The following RYR1 variants were observed in gnomAD, a reference collection of about 807,000 sequenced individuals.
RYR1 encodes the protein ryanodine receptor 1.
A neutral mutation model predicts 583.5 loss-of-function variants in RYR1; 342 were observed. That is an observed-to-expected ratio of 0.59 (90% confidence interval 0.54 to 0.64). The LOEUF is 0.64. Ranked by LOEUF, RYR1 falls within the 30% of genes least tolerant of loss-of-function variation. RYR1 has a pLI of 0.00. For missense variants in RYR1, 6,032 were observed against 6,917.2 expected (o/e 0.87, Z 4.54); for synonymous variants, 2,791 against 2,822.5 (o/e 0.99, Z 0.35).
At chr19:38,511,750 CG>C in intron 61 of RYR1, 140 bp downstream of exon 61, 11 of 1,079,654 alleles carry the variant, frequency 1.0e-5, no homozygotes, top group Admixed American at 1.8e-5. Context: ...ACCAGGTATC[CG>C]GGGGGTAGGG....
At chr19:38,493,133 G>T (rs531882546) in intron 38 of RYR1, among the ~76,000 whole-genome samples, 1 of 152,040 alleles carries the variant, frequency 6.6e-6, no homozygotes, top group Non-Finnish European at 1.5e-5. Flanking sequence ...GCTGTAGAAC[G>T]TGTGTGTTGG....
rs760940805 is a variant in RYR1 at position 38,572,137 on chromosome 19, G to A, written c.13865G>A (p.Gly4622Asp). 7.4e-6 allele frequency: 12 copies of A among 1,613,764 alleles called. 1 individual carries two copies. The highest frequency in any genetic ancestry group is 3.3e-5 in the South Asian group (3 of 91,082). The change falls in exon 95 of 106, where the codon GGC becomes GAC. Residue 4622 changes from glycine to aspartate, a missense_variant. By Grantham distance (94) the Gly-to-Asp change is moderately conservative. Around this residue, in one of 11 missense-constraint regions of RYR1, gnomAD observed 188 missense variants for 215.6 expected, o/e 0.87. Coordinates refer to ENST00000359596, the MANE Select transcript of RYR1 (RefSeq NM_000540.3). ...WGLGAGEEAE[G>D]DEDENMVYYF... is the part of the protein sequence containing the mutation. ...TTGGGGGCCGGAGAGGAGGCAGAGGGCGATGAGGATGAGAACATGGTGTAC... is the reference window on the plus strand; with the variant it reads ...TTGGGGGCCGGAGAGGAGGCAGAGGACGATGAGGATGAGAACATGGTGTAC...
chr19:38,566,270 G>A (rs1240294902), intron 91 of RYR1, among the ~76,000 whole-genome samples: 1 of 151,574 alleles, frequency 6.6e-6, no homozygotes, highest in East Asian at 1.9e-4. Flanking sequence ...CCACCGTGGT[G>A]GAACCCCGTC....
At chr19:38,453,457 G>A (rs1967199824) in intron 13 of RYR1, among the ~76,000 whole-genome samples, 1 of 151,910 alleles carries the variant, frequency 6.6e-6, no homozygotes, top group Non-Finnish European at 1.5e-5. Flanking sequence ...GACAGAATCA[G>A]TGTGGGGTAT....
At chr19:38,528,248 G>C (rs1971565824) in intron 73 of RYR1, 58 bp from the exon 74 acceptor site, 1 of 1,439,824 alleles carries the variant, frequency 6.9e-7, no homozygotes, top group Admixed American at 1.7e-5. Flanking sequence ...TTCATCCAGG[G>C]CTGGGAGTGA....
rs200451188 is a variant in RYR1 at position 38,473,583 on chromosome 19, G to A, written c.3972G>A (p.Ala1324=). 7.5e-4 allele frequency: 1,186 copies of A among 1,588,678 alleles called. 10 individuals are homozygous for A. In the African/African-American group the frequency reaches 0.014, roughly 19 times the overall value. ...CCCCCGCCGAGGACGAGGCCCGGGC[G>A]GCGGAACCCGACCCTGACTACGAAA... ...LQPPAEDEAR[A]AEPDPDYENL... The change falls in exon 28 of 106, where the codon GCG becomes GCA. Residue 1324 remains alanine, a synonymous_variant. Transcript: ENST00000359596.
In RYR1 at chr19:38,565,126, CGCGGGCGCG is replaced by C; in HGVS notation, c.12797_12805del (p.Gly4266_Ala4268del). The C allele has an allele frequency of 6.5e-7, 1 of 1,533,322 alleles. No homozygotes were observed. Among genetic ancestry groups the C allele is most frequent in the South Asian group, 1.2e-5 (1 of 83,920 alleles). 95.0% of individuals were successfully genotyped at this position (1,533,322 alleles called of 1,614,324 possible). A position where few individuals can be genotyped will look rare whatever the true frequency, so the allele number is the denominator to read the frequency against. Reference sequence around the variant, plus strand: ...AGCCGGAGACCGACGAGGACGAGGGCGCGGGCGCGGCGGAGGCGGGCGCGGAAGGCGCGG... The same window carrying C: ...AGCCGGAGACCGACGAGGACGAGGGCGCGGAGGCGGGCGCGGAAGGCGCGG... On this transcript the variant is annotated inframe_deletion, in exon 91 of 106. Coordinates refer to ENST00000359596, the MANE Select transcript of RYR1 (RefSeq NM_000540.3). This position sits in a 1 kb window ranked among gnomAD's most constrained non-coding sequence, Gnocchi z 4.7.
intron 89 of RYR1, among the ~76,000 whole-genome samples, chr19:38,560,340 T>G (rs1973070077): frequency 6.7e-6 from 1 of 149,586 alleles, no homozygotes; most frequent in Admixed American, 6.7e-5. Context: ...CACTCCAGCC[T>G]GGGTGAAAGA....
rs1406300830 is a variant in RYR1 at position 38,457,570 on chromosome 19, A to T, written c.1865A>T (p.Glu622Val). 1 of 1,614,120 alleles carries T rather than the reference A, an allele frequency of 6.2e-7. No individual in the cohort carries two copies. Among genetic ancestry groups the T allele is most frequent in the South Asian group, 1.1e-5 (1 of 91,080 alleles). ...AVRSNQDLIT[E>V]NLLPGRELLL... ...CGCTCCAACCAAGATCTTATTACTGAGAACTTGCTGCCTGGCCGTGAGCTT... is the reference window on the plus strand; with the variant it reads ...CGCTCCAACCAAGATCTTATTACTGTGAACTTGCTGCCTGGCCGTGAGCTT... The change falls in exon 17 of 106, where the codon GAG becomes GTG. Residue 622 changes from glutamate to valine, a missense_variant. Transcript: ENST00000359596.
intron 65 of RYR1, 133 bp downstream of exon 65, chr19:38,516,350 G>A: frequency 9.4e-7 from 1 of 1,064,290 alleles, no homozygotes; most frequent in Non-Finnish European, 1.4e-6. Flanking sequence ...GGTTGGGAGT[G>A]CCACACATTC....
intron 47 of RYR1, among the ~76,000 whole-genome samples, chr19:38,501,790 C>T (rs562330251): frequency 6.6e-6 from 1 of 152,124 alleles, no homozygotes; most frequent in East Asian, 1.9e-4. Context: ...TTGAGACCAG[C>T]CTGGGCAACA....
intron 81 of RYR1, chr19:38,535,751 C>A: frequency 1.6e-6 from 1 of 608,688 alleles, no homozygotes; most frequent in Non-Finnish European, 2.9e-6. Context: ...TTTTCCTACC[C>A]TCTGCAGCTT....
At chr19:38,558,808 A>C (rs115823321) in intron 89 of RYR1, among the ~76,000 whole-genome samples, 4,291 of 136,046 alleles carry the variant, frequency 0.032, 102 homozygotes, top group Admixed American at 0.082. Context: ...TTAAAAAAAT[A>C]GTCCAGGTGT....
At chr19:38,549,357 C>T (rs1972564618) in intron 89 of RYR1, among the ~76,000 whole-genome samples, 1 of 151,910 alleles carries the variant, frequency 6.6e-6, no homozygotes, top group African/African-American at 2.4e-5. Context: ...TTTGGGAGGC[C>T]GAGGTGGGAG....
At chr19:38,517,980 G>A (rs1385667543) in intron 66 of RYR1, among the ~76,000 whole-genome samples, 3 of 152,122 alleles carry the variant, frequency 2.0e-5, no homozygotes, top group Non-Finnish European at 4.4e-5. Context: ...TTAGCCAGGT[G>A]TGGTGGCACA....
intron 67 of RYR1, 48 bp from the exon 68 acceptor site, chr19:38,522,980 T>A: frequency 1.4e-6 from 2 of 1,464,942 alleles, no homozygotes; most frequent in Non-Finnish European, 9.3e-7. Flanking sequence ...GCAGCCCCCT[T>A]CCCTGGGATC....
At chr19:38,521,542 C>T (rs1055906623) in intron 67 of RYR1, among the ~76,000 whole-genome samples, 7 of 150,462 alleles carry the variant, frequency 4.7e-5, no homozygotes, top group African/African-American at 1.5e-4. Flanking sequence ...AAAAATTAGC[C>T]GGGCGTGGTG....
intron 34 of RYR1, 132 bp downstream of exon 34, chr19:38,486,334 C>T: frequency 8.8e-7 from 1 of 1,136,156 alleles, no homozygotes. Context: ...TACATCCATC[C>T]ACCTTTCTTT....
rs777285788 is a variant in RYR1, at chr19:38,548,326, T to C, written c.12188T>C (p.Met4063Thr). 2.5e-6 allele frequency: 4 copies of C among 1,614,190 alleles called. No homozygotes were observed. In the South Asian group the frequency reaches 4.4e-5, roughly 18 times the overall value. The change falls in exon 89 of 106, where the codon ATG becomes ACG. Residue 4063 changes from methionine (M) to threonine (T), a missense_variant. Met to Thr is a moderately conservative substitution (Grantham distance 81, BLOSUM62 -1). Around this residue, in one of 11 missense-constraint regions of RYR1, gnomAD observed 753 missense variants for 759.6 expected, o/e 0.99. Transcript: ENST00000359596. ...GAGATGATCCTCAAGTTCTTCGACA[T>C]GTTCCTGAAACTCAAGGACATTGTG... The part of the protein sequence containing the change: ...NVEMILKFFD[M>T]FLKLKDIVGS...
Sources: allele counts gnomAD v4.1 joint callset (sites outside exome capture counted in the v4.1 genomes callset), GRCh38; gene constraint gnomAD v4.1.1; regional missense constraint gnomAD v4.1.1; non-coding constraint Gnocchi (gnomAD v3.1); transcripts MANE v1.5; gene names NCBI Gene and HGNC (gene_info 2026-07-23, HGNC 2026-07-21).